Variants in NRG3 observed in about 807,000 individuals in gnomAD.
The protein encoded by NRG3 is pro-neuregulin-3, membrane-bound isoform.
A neutral mutation model predicts 66.9 loss-of-function variants in NRG3; 31 were observed. The ratio of observed to expected loss-of-function variants is 0.46; its 90% CI spans 0.35 to 0.63. The LOEUF is 0.63. Ranked by LOEUF, NRG3 falls within the 20% of genes least tolerant of loss-of-function variation. NRG3 has a pLI of 0.00. For missense variants in NRG3, 910 were observed against 878.9 expected (o/e 1.04, Z -0.45); for synonymous variants, 393 against 359.4 (o/e 1.09, Z -1.06).
At chr10:81,975,867 G>A (rs184173372) in intron 1 of NRG3, among the ~76,000 whole-genome samples, 2 of 152,208 alleles carry the variant, frequency 1.3e-5, no homozygotes, top group South Asian at 2.1e-4. Flanking sequence ...TTTTAAATGA[G>A]GAAGAAGAAA....
intron 1 of NRG3, among the ~76,000 whole-genome samples, chr10:82,196,215 C>A (rs1055719051): frequency 6.6e-6 from 1 of 152,124 alleles, no homozygotes; most frequent in African/African-American, 2.4e-5. Flanking sequence ...CAGAACAGTG[C>A]CCTTTCAGTA....
intron 1 of NRG3, among the ~76,000 whole-genome samples, chr10:82,172,561 G>A (rs1377019371): frequency 6.6e-6 from 1 of 152,066 alleles, no homozygotes; most frequent in Non-Finnish European, 1.5e-5. Context: ...CCCAAGTGGT[G>A]ATCCTGGGGC....
At chr10:81,991,222 G>T (rs1477605330) in intron 1 of NRG3, among the ~76,000 whole-genome samples, 1 of 152,014 alleles carries the variant, frequency 6.6e-6, no homozygotes, top group Non-Finnish European at 1.5e-5. Context: ...ATCATATTTT[G>T]CTTTATCAAA....
At chr10:82,276,626 T>C (rs2078860856) in intron 1 of NRG3, among the ~76,000 whole-genome samples, 1 of 152,066 alleles carries the variant, frequency 6.6e-6, no homozygotes, top group African/African-American at 2.4e-5. Flanking sequence ...CATCTTTAAA[T>C]AGAAATAAGC....
chr10:82,060,469 T>C (rs564838321), intron 1 of NRG3, among the ~76,000 whole-genome samples: 1 of 152,316 alleles, frequency 6.6e-6, no homozygotes, highest in South Asian at 2.1e-4. Context: ...CTGTTCTCCC[T>C]AAGAGTAGTA....
chr10:82,582,072 C>T (rs1294651849), intron 2 of NRG3, among the ~76,000 whole-genome samples: 1 of 152,014 alleles, frequency 6.6e-6, no homozygotes, highest in Non-Finnish European at 1.5e-5. Context: ...TTTGCCATTT[C>T]CTTATTGCTA....
At chr10:82,703,643 A>G (rs1361388255) in intron 2 of NRG3, among the ~76,000 whole-genome samples, 1 of 152,104 alleles carries the variant, frequency 6.6e-6, no homozygotes, top group Non-Finnish European at 1.5e-5. Flanking sequence ...TTTATTGTTA[A>G]TTTCCTACCA....
chr10:82,166,033 T>C (rs185692793), intron 1 of NRG3, among the ~76,000 whole-genome samples: 1 of 150,750 alleles, frequency 6.6e-6, no homozygotes, highest in East Asian at 1.9e-4. Flanking sequence ...TATTATTAAT[T>C]TTTTTTGTGA....
chr10:82,839,958 G>A (rs1485629101), intron 3 of NRG3, among the ~76,000 whole-genome samples: 4 of 152,010 alleles, frequency 2.6e-5, no homozygotes, highest in Admixed American at 2.0e-4. Context: ...ATTCATTCTA[G>A]CCTTCCCTCT....
chr10:82,463,900 C>A (rs1417583882), intron 2 of NRG3, among the ~76,000 whole-genome samples: 2 of 152,204 alleles, frequency 1.3e-5, no homozygotes, highest in East Asian at 3.8e-4. Context: ...CTGAGAGTGG[C>A]AGTTGCTGGA....
chr10:81,933,616 A>G (rs751735918), intron 1 of NRG3, among the ~76,000 whole-genome samples: 1 of 152,166 alleles, frequency 6.6e-6, no homozygotes, highest in African/African-American at 2.4e-5. Flanking sequence ...AAAGTGTCCT[A>G]TGAGTAATTG....
At chr10:82,225,042 T>C (rs1221567657) in intron 1 of NRG3, among the ~76,000 whole-genome samples, 2 of 152,000 alleles carry the variant, frequency 1.3e-5, no homozygotes, top group Admixed American at 6.6e-5. Context: ...CAATATTCAG[T>C]ATACTTTTAA....
intron 1 of NRG3, among the ~76,000 whole-genome samples, chr10:81,922,557 T>G (rs983264678): frequency 6.6e-6 from 1 of 152,210 alleles, no homozygotes; most frequent in African/African-American, 2.4e-5. Context: ...TGGCCTCCAG[T>G]TTATCTCCAT....
At chr10:81,946,922 A>T (rs144763968) in intron 1 of NRG3, among the ~76,000 whole-genome samples, 130 of 152,278 alleles carry the variant, frequency 8.5e-4, no homozygotes, top group African/African-American at 2.8e-3. Flanking sequence ...CCTAATCTGT[A>T]ACTGTACTAG....
At chr10:82,700,294 CAT>C (rs1489886892) in intron 2 of NRG3, among the ~76,000 whole-genome samples, 8 of 152,166 alleles carry the variant, frequency 5.3e-5, no homozygotes, top group Non-Finnish European at 1.2e-4. Context: ...GAGACTTGGA[CAT>C]ATTAAAAGAG....
intron 2 of NRG3, among the ~76,000 whole-genome samples, chr10:82,361,556 A>G (rs1937961): frequency 0.39 from 59,077 of 152,106 alleles, 15,548 homozygotes; most frequent in African/African-American, 0.74. Flanking sequence ...TGTTTCAGTC[A>G]TACTCCTATT....
At chr10:82,470,222 T>C (rs1841119326) in intron 2 of NRG3, among the ~76,000 whole-genome samples, 6 of 152,194 alleles carry the variant, frequency 3.9e-5, no homozygotes, top group Admixed American at 3.9e-4. Flanking sequence ...ATCATTAATA[T>C]TTGCAGTAAA....
rs143975321 is a variant in NRG3 at position 82,625,391 on chromosome 10, T to G, written c.954-113186T>G. ...GAATTTAATTAAATACACAGATACT[T>G]TTTTTAGTACCAAGTTGGTTTATGT... is the stretch of plus-strand genomic sequence containing the variant. On this transcript the variant is annotated intron_variant, in intron 2 of 8. Transcript: ENST00000372141. 4.9e-3 allele frequency among the ~76,000 whole-genome samples: 731 copies of G among 150,654 alleles called. 5 individuals carry two copies. Among genetic ancestry groups the G allele is most frequent in the African/African-American group, 0.017 (696 of 41,550 alleles).
intron 3 of NRG3, among the ~76,000 whole-genome samples, chr10:82,820,718 A>T (rs1477428740): frequency 6.6e-6 from 1 of 152,098 alleles, no homozygotes; most frequent in African/African-American, 2.4e-5. Context: ...TACTTATTGT[A>T]AAAAAACTAG....
Sources: gnomAD v4.1 joint callset for allele counts (sites outside exome capture counted in the v4.1 genomes callset) on GRCh38, gnomAD v4.1.1 for gene constraint, MANE v1.5 for transcripts, NCBI Gene and HGNC (gene_info 2026-07-23, HGNC 2026-07-21) for gene names.